TOM1: variants seen among roughly 807,000 people sequenced by gnomAD.
TOM1 encodes the protein target of myb1 membrane trafficking protein, also known as target of Myb protein 1.
In TOM1, 38 loss-of-function variants were observed where a neutral mutation model predicts 61.3. The observed-to-expected ratio is 0.62, with a 90% CI of 0.48 to 0.81. The LOEUF is 0.81. Ranked by LOEUF, TOM1 falls within the 40% of genes least tolerant of loss-of-function variation. The probability of loss-of-function intolerance (pLI) is 0.00; values close to 1 mark genes in which losing one functional copy is unlikely to be tolerated. For missense variants in TOM1, 591 were observed against 659.6 expected (o/e 0.90, Z 1.14); for synonymous variants, 270 against 268.8 (o/e 1.00, Z -0.04).
At chr22:35,331,456 G>A (rs1442998421) in intron 8 of TOM1, 11 of 365,094 alleles carry the variant, frequency 3.0e-5, no homozygotes, top group Non-Finnish European at 6.1e-5. Context: ...CCCCAAGAGA[G>A]ACTTGGATTG....
At chr22:35,300,200 G>A (rs905832658) in intron 1 of TOM1, among the ~76,000 whole-genome samples, 8 of 152,272 alleles carry the variant, frequency 5.3e-5, no homozygotes, top group African/African-American at 1.9e-4. Context: ...ATGACAGCCA[G>A]TAGGTAAGGA....
chr22:35,307,516 G>C (rs1177555936), intron 1 of TOM1, among the ~76,000 whole-genome samples: 1 of 152,232 alleles, frequency 6.6e-6, no homozygotes. Context: ...CTGGGTTCAG[G>C]TGCCAGCTCC....
Position 35,347,488 on chromosome 22 carries a change from C to T in TOM1, c.*279C>T, listed in dbSNP as rs1930612418. On this transcript the variant is annotated 3_prime_UTR_variant, in exon 15 of 15. Transcript: ENST00000449058. ...TTGCTGAGAAGTGGAGGCCCCAGGA[C>T]AGGCTGGCTGGCTGGCTGGCTGCTT... 2 of 339,446 alleles carry T rather than the reference C, an allele frequency of 5.9e-6. No homozygotes were observed. The highest frequency in any genetic ancestry group is 2.1e-5 in the African/African-American group (1 of 47,408). 21.0% of individuals were successfully genotyped at this position (339,446 alleles called of 1,614,324 possible).
In TOM1 at chr22:35,323,553, G is replaced by T. The variant is rs1280310666; in HGVS notation, c.424G>T (p.Glu142Ter). 3.7e-6 allele frequency: 6 copies of T among 1,614,170 alleles called. No homozygotes were observed. The highest frequency in any genetic ancestry group is 5.1e-6 in the Non-Finnish European group (6 of 1,180,036). ...TCTGACAGGTGTGGTCACCATCTAT[G>T]AGGACCTGCGGAGGAAAGGCCTGGA... ...PDLTGVVTIY[E>*]DLRRKGLEFP... Residue 142 changes from glutamate to a stop codon, truncating the protein, a stop_gained, in exon 5 of 15, where the codon GAG becomes TAG. Coordinates refer to ENST00000449058, the MANE Select transcript of TOM1 (RefSeq NM_005488.3). LOFTEE classifies it high-confidence loss of function. This position sits in a 1 kb window ranked among gnomAD's most constrained non-coding sequence, Gnocchi z 4.2.
chr22:35,301,206 G>T lies in TOM1; in HGVS notation c.52+1226G>T, dbSNP rs561368399. Among the ~76,000 whole-genome samples the T allele has an allele frequency of 1.3e-4, 20 of 152,222 alleles. No homozygotes were observed. In the East Asian group the frequency reaches 3.9e-3, roughly 29 times the overall value. On this transcript the variant is annotated intron_variant, in intron 1 of 14. Transcript: ENST00000449058. ...GGCGCCACTGTACTCCAGCCTGGAC[G>T]ACGCAGGGAGAGCCCATCTCTTGAA...
intron 6 of TOM1, among the ~76,000 whole-genome samples, chr22:35,326,186 A>G (rs1010753632): frequency 7.2e-5 from 11 of 152,362 alleles, no homozygotes; most frequent in Non-Finnish European, 1.3e-4. Flanking sequence ...TCATGAATGT[A>G]TATAGTGACA....
At position 35,303,726 on chromosome 22, in the gene TOM1, G is replaced by C. The variant is rs575609612; in HGVS notation, c.52+3746G>C. Among the ~76,000 whole-genome samples the C allele has an allele frequency of 2.4e-4, 37 of 152,198 alleles. No individual in the cohort carries two copies. In the South Asian group the frequency reaches 7.7e-3, roughly 31 times the overall value. Reference sequence around the variant, plus strand: ...TTAGCCAAGCTGGTCTTGAACTCCTGACCTCAAGTGATCCAGCCACCTTAG... The same window carrying C: ...TTAGCCAAGCTGGTCTTGAACTCCTCACCTCAAGTGATCCAGCCACCTTAG... On this transcript the variant is annotated intron_variant, in intron 1 of 14. Coordinates refer to ENST00000449058, the MANE Select transcript of TOM1 (RefSeq NM_005488.3).
At chr22:35,324,238 C>CGCA (rs1928112841) in intron 6 of TOM1, among the ~76,000 whole-genome samples, 1 of 152,116 alleles carries the variant, frequency 6.6e-6, no homozygotes, top group South Asian at 2.1e-4. Context: ...GTGTCCTGTA[C>CGCA]GCAGCCCCTT....
At chr22:35,329,792 A>G (rs1928656169) in intron 7 of TOM1, among the ~76,000 whole-genome samples, 1 of 152,228 alleles carries the variant, frequency 6.6e-6, no homozygotes, top group Non-Finnish European at 1.5e-5. Flanking sequence ...CACGAAGCCA[A>G]GTTAAACCGG....
intron 1 of TOM1, among the ~76,000 whole-genome samples, chr22:35,302,490 C>T (rs1925925017): frequency 6.6e-6 from 1 of 151,980 alleles, no homozygotes; most frequent in Admixed American, 6.6e-5. Flanking sequence ...GCACGCTCCG[C>T]CACACCCGAC....
chr22:35,339,147 A>T (rs966625706), intron 12 of TOM1, among the ~76,000 whole-genome samples: 2 of 152,056 alleles, frequency 1.3e-5, no homozygotes, highest in African/African-American at 4.8e-5. Context: ...CCTGGCCAAC[A>T]TGGTGAAACC....
chr22:35,319,822 A>AC (rs1927616809), intron 2 of TOM1, among the ~76,000 whole-genome samples: 1 of 151,738 alleles, frequency 6.6e-6, no homozygotes, highest in South Asian at 2.1e-4. Context: ...CTGGGCCAGG[A>AC]CCCCCCTTGG....
At chr22:35,337,578 G>A (rs1441815199) in intron 11 of TOM1, among the ~76,000 whole-genome samples, 1 of 152,246 alleles carries the variant, frequency 6.6e-6, no homozygotes, top group Non-Finnish European at 1.5e-5. Context: ...TCTTCAAAAT[G>A]ACTGCGTGGG....
Position 35,323,191 on chromosome 22 carries a change from C to G in TOM1, c.366+14C>G. The G allele has an allele frequency of 6.2e-7, 1 of 1,612,628 alleles. No individual in the cohort carries two copies. Among genetic ancestry groups the G allele is most frequent in the Non-Finnish European group, 8.5e-7 (1 of 1,179,944 alleles). Reference sequence around the variant, plus strand: ...AACCTCATCCAGGTGAGTGCCAGGACAGGGCAGGGCACGGCCAGGAAGAGC... The same window carrying G: ...AACCTCATCCAGGTGAGTGCCAGGAGAGGGCAGGGCACGGCCAGGAAGAGC... On this transcript the variant is annotated intron_variant, in intron 4 of 14. Transcript: ENST00000449058. This position sits in a 1 kb window ranked among gnomAD's most constrained non-coding sequence, Gnocchi z 4.2.
intron 12 of TOM1, among the ~76,000 whole-genome samples, chr22:35,343,009 ACAC>A (rs1930032744): frequency 9.6e-6 from 1 of 103,784 alleles, no homozygotes; most frequent in Non-Finnish European, 1.9e-5. Context: ...CACACCACAC[ACAC>A]ATCTACACCC....
At chr22:35,307,116 T>TA (rs1926392129) in intron 1 of TOM1, among the ~76,000 whole-genome samples, 1 of 152,138 alleles carries the variant, frequency 6.6e-6, no homozygotes. Flanking sequence ...CAGGACAGTT[T>TA]AACTCTTTAC....
intron 11 of TOM1, 131 bp from the exon 12 acceptor site, chr22:35,338,582 G>A (rs1929586265): frequency 3.1e-6 from 2 of 648,284 alleles, no homozygotes; most frequent in Admixed American, 3.8e-5. Context: ...GGCAGGAAAT[G>A]AGACCCTTTT....
Position 35,323,577 on chromosome 22 carries a change from G to C in TOM1, c.448G>C (p.Glu150Gln). 6.2e-7 allele frequency: 1 copy of C among 1,614,088 alleles called. No individual in the cohort carries two copies. The highest frequency in any genetic ancestry group is 8.5e-7 in the Non-Finnish European group (1 of 1,180,028). The stretch of plus-strand genomic sequence containing the variant: ...TGAGGACCTGCGGAGGAAAGGCCTG[G>C]AGTTCCCCATGACTGACCTGGACAT... ...IYEDLRRKGL[E>Q]FPMTDLDMLS... The change falls in exon 5 of 15, where the codon GAG becomes CAG. Residue 150 changes from glutamate to glutamine, a missense_variant. Coordinates refer to ENST00000449058, the MANE Select transcript of TOM1 (RefSeq NM_005488.3). The surrounding 1 kb of genome is among the most constrained non-coding windows in gnomAD (Gnocchi z 4.2).
At chr22:35,316,560 A>G (rs138780) in intron 1 of TOM1, among the ~76,000 whole-genome samples, 100,752 of 152,182 alleles carry the variant, frequency 0.66, 36,263 homozygotes, top group Non-Finnish European at 0.81. Context: ...GCTTGCTACC[A>G]TGCAGACCTG....
Sources: gnomAD v4.1 joint callset for allele counts (sites outside exome capture counted in the v4.1 genomes callset) on GRCh38, gnomAD v4.1.1 for gene constraint, Gnocchi (gnomAD v3.1) non-coding constraint, MANE v1.5 for transcripts, NCBI Gene and HGNC (gene_info 2026-07-23, HGNC 2026-07-21) for gene names.